Variants in RIDA observed in about 807,000 individuals in gnomAD.
RIDA encodes the protein reactive intermediate imine deaminase A.
In RIDA, 17 loss-of-function variants were observed where a neutral mutation model predicts 17.8. The ratio of observed to expected loss-of-function variants is 0.96; its 90% CI spans 0.65 to 1.43. The LOEUF (loss-of-function observed/expected upper bound fraction) is 1.43. Among genes scored for constraint, RIDA ranks in the 40% most tolerant of loss-of-function variants. The pLI, the probability that RIDA is intolerant of heterozygous loss-of-function variation, is 0.00. For synonymous variants in RIDA, 48 were observed against 55.7 expected (o/e 0.86, Z 0.62); for missense variants, 158 against 161.7 (o/e 0.98, Z 0.12).
At position 98,117,050 on chromosome 8, in the gene RIDA, C is replaced by T; in HGVS notation, c.47G>A (p.Gly16Glu). 1 of 1,614,136 alleles carries T rather than the reference C, an allele frequency of 6.2e-7. No homozygotes were observed. Among genetic ancestry groups the T allele is most frequent in the Non-Finnish European group, 8.5e-7 (1 of 1,179,944 alleles). The change falls in exon 1 of 6, where the codon GGG becomes GAG. Residue 16 changes from glycine to glutamate, a missense_variant. Transcript: ENST00000254878. Reference protein sequence around the residue: ...RRVISTAKAPGAIGPYSQAVL... With the variant: ...RRVISTAKAPEAIGPYSQAVL... ...ACGTTACCTGTAGGGTCCAATGGCC[C>T]CTGGGGCTTTCGCGGTGCTGATCAC...
At position 98,115,742 on chromosome 8, in the gene RIDA, A is replaced by G. The variant is rs111692178; in HGVS notation, c.65+1290T>C. Among the ~76,000 whole-genome samples the G allele has an allele frequency of 3.2e-3, 484 of 152,222 alleles. 4 individuals are homozygous for G. Among genetic ancestry groups the G allele is most frequent in the African/African-American group, 0.011 (453 of 41,536 alleles). Reference sequence around the variant, plus strand: ...AGAGCAGGCCTCAGGTTTTGAGCCAACTGCAATATCTAGCTAAAATTTAAT... The same window carrying G: ...AGAGCAGGCCTCAGGTTTTGAGCCAGCTGCAATATCTAGCTAAAATTTAAT... On this transcript the variant is annotated intron_variant, in intron 1 of 5. Coordinates refer to ENST00000254878, the MANE Select transcript of RIDA (RefSeq NM_005836.3).
intron 2 of RIDA, among the ~76,000 whole-genome samples, chr8:98,107,091 C>T (rs1412814019): frequency 6.6e-6 from 1 of 152,222 alleles, no homozygotes; most frequent in African/African-American, 2.4e-5. Flanking sequence ...TGGTAGCATA[C>T]TGTGCATGTT....
chr8:98,102,755 G>A lies in RIDA; in HGVS notation c.*87C>T. The A allele has an allele frequency of 1.1e-6, 1 of 897,546 alleles. No individual in the cohort carries two copies. The highest frequency in any genetic ancestry group is 1.8e-5 in the South Asian group (1 of 54,056). 55.6% of individuals were successfully genotyped at this position (897,546 alleles called of 1,614,324 possible). On this transcript the variant is annotated 3_prime_UTR_variant, in exon 6 of 6. Coordinates refer to ENST00000254878, the MANE Select transcript of RIDA (RefSeq NM_005836.3). ...CATCAAACTCACACTGTCATCAATT[G>A]TGAAAATTAAAAGGTTAATTAAGAT...
rs754368986 is a variant in RIDA at position 98,102,868 on chromosome 8, C to T, written c.388G>A (p.Gly130Arg). 5 of 1,613,308 alleles carry T rather than the reference C, an allele frequency of 3.1e-6. No individual in the cohort carries two copies. Among genetic ancestry groups the T allele is most frequent in the South Asian group, 2.2e-5 (2 of 90,998 alleles). ...TATAGTGATGCCGTTGTCAGTGGTCCTTGGATAGCTACTGCTTCAATTTCA... is the reference window on the plus strand; with the variant it reads ...TATAGTGATGCCGTTGTCAGTGGTCTTTGGATAGCTACTGCTTCAATTTCA... ...RIEIEAVAIQ[G>R]PLTTASL Residue 130 changes from glycine to arginine, a missense_variant, in exon 6 of 6, where the codon GGA becomes AGA. Gly to Arg is a moderately radical substitution (Grantham distance 125). Transcript: ENST00000254878.
chr8:98,110,913 A>G (rs1815717997), intron 1 of RIDA, among the ~76,000 whole-genome samples: 2 of 152,092 alleles, frequency 1.3e-5, no homozygotes, highest in South Asian at 4.1e-4. Context: ...AGTTCCTCCT[A>G]CACATGTACA....
At chr8:98,110,647 A>C (rs1021899421) in intron 1 of RIDA, among the ~76,000 whole-genome samples, 1 of 152,362 alleles carries the variant, frequency 6.6e-6, no homozygotes, top group South Asian at 2.1e-4. Context: ...TTTTAAAAAC[A>C]TAAGTAGTCA....
chr8:98,114,116 C>T (rs988656405), intron 1 of RIDA, among the ~76,000 whole-genome samples: 1 of 152,120 alleles, frequency 6.6e-6, no homozygotes, highest in Non-Finnish European at 1.5e-5. Context: ...ATGGCTTGAG[C>T]CCGGGAGGTT....
chr8:98,109,817 A>G (rs924760501), intron 1 of RIDA, among the ~76,000 whole-genome samples: 4 of 152,112 alleles, frequency 2.6e-5, no homozygotes, highest in Admixed American at 1.3e-4. Context: ...AGGTCTTGCT[A>G]TGTTGCCTAG....
At position 98,115,214 on chromosome 8, in the gene RIDA, C is replaced by G. The variant is rs147647131; in HGVS notation, c.65+1818G>C. Among the ~76,000 whole-genome samples, 658 of 151,844 alleles carry G rather than the reference C, an allele frequency of 4.3e-3. 6 individuals are homozygous for G. Among genetic ancestry groups the G allele is most frequent in the African/African-American group, 0.015 (630 of 41,376 alleles). On this transcript the variant is annotated intron_variant, in intron 1 of 5. Transcript: ENST00000254878. ...ACCAGCCTGACCAACACAGTGAAACCCTGTCTCTACTAAAAATACAAAAAT... is the reference window on the plus strand; with the variant it reads ...ACCAGCCTGACCAACACAGTGAAACGCTGTCTCTACTAAAAATACAAAAAT...
intron 1 of RIDA, among the ~76,000 whole-genome samples, chr8:98,112,567 C>T (rs138325030): frequency 6.6e-6 from 1 of 152,274 alleles, no homozygotes; most frequent in African/African-American, 2.4e-5. Context: ...TTGGAGAGAG[C>T]TAAGGAGGTA....
At position 98,104,470 on chromosome 8, in the gene RIDA, T is replaced by A. The variant is rs766993350; in HGVS notation, c.351+19A>T. 1 of 1,436,152 alleles carries A rather than the reference T, an allele frequency of 7.0e-7. No homozygotes were observed. Among genetic ancestry groups the A allele is most frequent in the East Asian group, 2.3e-5 (1 of 44,028 alleles). The allele number at this position is 1,436,152 out of a possible 1,614,324, so 89.0% of individuals were successfully genotyped here. A position where few individuals can be genotyped will look rare whatever the true frequency, so the allele number is the denominator to read the frequency against. On this transcript the variant is annotated intron_variant, in intron 5 of 5. Coordinates refer to ENST00000254878, the MANE Select transcript of RIDA (RefSeq NM_005836.3). The stretch of plus-strand genomic sequence containing the variant: ...AGAAACTGAAAACTGTGTACATTAG[T>A]CATTTAAAGTGTACTTACTTTGGGT...
intron 1 of RIDA, among the ~76,000 whole-genome samples, chr8:98,114,187 A>C (rs1815768180): frequency 6.6e-6 from 1 of 152,220 alleles, no homozygotes; most frequent in East Asian, 1.9e-4. Flanking sequence ...ACACTGTCTC[A>C]ATATACACAC....
chr8:98,115,370 AGAGT>A (rs1397335431), intron 1 of RIDA, among the ~76,000 whole-genome samples: 3 of 141,248 alleles, frequency 2.1e-5, no homozygotes, highest in African/African-American at 8.1e-5. Context: ...CCTGGGCAAC[AGAGT>A]GAGACTCTGC....
At chr8:98,110,881 AAC>A (rs141612588) in intron 1 of RIDA, among the ~76,000 whole-genome samples, 8,603 of 152,122 alleles carry the variant, frequency 0.057, 461 homozygotes, top group African/African-American at 0.14. Flanking sequence ...CACGTGATCT[AAC>A]AGTTTTATAA....
intron 1 of RIDA, among the ~76,000 whole-genome samples, chr8:98,109,871 C>T (rs1370637921): frequency 2.6e-5 from 4 of 152,168 alleles, no homozygotes; most frequent in African/African-American, 9.7e-5. Flanking sequence ...CCTGCCTTGG[C>T]CTCCCAAAGT....
At chr8:98,104,004 AT>A (rs918683505) in intron 5 of RIDA, among the ~76,000 whole-genome samples, 4 of 146,880 alleles carry the variant, frequency 2.7e-5, no homozygotes, top group Admixed American at 6.8e-5. Context: ...AGGTTTCTTA[AT>A]TTTTTTTTCA....
chr8:98,104,379 G>GA (rs1815605229), intron 5 of RIDA, 110 bp downstream of exon 5: 9 of 794,572 alleles, frequency 1.1e-5, no homozygotes, highest in Non-Finnish European at 2.0e-5. Context: ...AAGCCACCCT[G>GA]CCCAGGCTAC....
rs1185240174 is a variant in RIDA at position 98,113,830 on chromosome 8, GTGAT to G, written c.65+3198_65+3201del. 10 of 152,112 alleles carry G rather than the reference GTGAT, an allele frequency of 6.6e-5. 1 individual carries two copies. Among genetic ancestry groups the G allele is most frequent in the South Asian group, 2.1e-4 (1 of 4,832 alleles). The allele number at this position is 152,112 out of a possible 1,614,324, so 9.4% of individuals were successfully genotyped here. ...ATGTTTTTCTAAATGCTACCACTGT[GTGAT>G]TGAGAGAAAGACATTAGGGCAGAAG... On this transcript the variant is annotated intron_variant, in intron 1 of 5. Coordinates refer to ENST00000254878, the MANE Select transcript of RIDA (RefSeq NM_005836.3).
intron 2 of RIDA, 129 bp from the exon 3 acceptor site, chr8:98,106,455 C>T: frequency 2.8e-6 from 2 of 721,950 alleles, no homozygotes; most frequent in Admixed American, 2.4e-5. Context: ...TCCCTACTCG[C>T]TTACAAGTGT....
Sources: gnomAD v4.1 joint callset for allele counts (sites outside exome capture counted in the v4.1 genomes callset) on GRCh38, gnomAD v4.1.1 for gene constraint, MANE v1.5 for transcripts, NCBI Gene and HGNC (gene_info 2026-07-23, HGNC 2026-07-21) for gene names.